Variants in COL27A1 observed in about 807,000 individuals in gnomAD.
COL27A1 encodes collagen alpha-1(XXVII) chain.
A neutral mutation model predicts 251.3 loss-of-function variants in COL27A1; 106 were observed. The observed-to-expected ratio is 0.42, with a 90% confidence interval of 0.36 to 0.50. The LOEUF is 0.50. COL27A1 is among the 20% of genes least tolerant of loss of function. The probability of loss-of-function intolerance (pLI) is 0.00; values close to 1 mark genes in which losing one functional copy is unlikely to be tolerated. For synonymous variants in COL27A1, 1,000 were observed against 986.3 expected (o/e 1.01, Z -0.26); for missense variants, 2,325 against 2,522.8 (o/e 0.92, Z 1.68).
intron 24 of COL27A1, among the ~76,000 whole-genome samples, chr9:114,247,366 G>A (rs1833213255): frequency 6.6e-6 from 1 of 152,072 alleles, no homozygotes; most frequent in African/African-American, 2.4e-5. Context: ...TCATATTCGA[G>A]GCAAATGCTA....
intron 2 of COL27A1, among the ~76,000 whole-genome samples, chr9:114,167,005 A>G (rs1019033643): frequency 7.9e-5 from 12 of 152,040 alleles, no homozygotes; most frequent in African/African-American, 2.9e-4. Context: ...TGCTAGAGAC[A>G]CCTCGGGAGT....
At position 114,256,536 on chromosome 9, in the gene COL27A1, GGCCCTGGGACCTGCCTAGGGTC is replaced by G. The variant is rs555300994; in HGVS notation, c.3142-1982_3142-1961del. ...TCCCCATTATTGGGGGTGGGAGTGAGGCCCTGGGACCTGCCTAGGGTCGCCCTGGGACCTGCCTAGGGTCACC... is the reference window on the plus strand; with the variant it reads ...TCCCCATTATTGGGGGTGGGAGTGAGGCCCTGGGACCTGCCTAGGGTCACC... On this transcript the variant is annotated intron_variant, in intron 27 of 60. Coordinates refer to ENST00000356083, the MANE Select transcript of COL27A1 (RefSeq NM_032888.4). Among the ~76,000 whole-genome samples, 40 of 152,202 alleles carry G rather than the reference GGCCCTGGGACCTGCCTAGGGTC, an allele frequency of 2.6e-4. No homozygotes were observed. In the South Asian group the frequency reaches 4.8e-3, roughly 18 times the overall value.
intron 19 of COL27A1, among the ~76,000 whole-genome samples, chr9:114,238,072 T>A (rs1197471423): frequency 6.6e-6 from 1 of 152,148 alleles, no homozygotes; most frequent in Non-Finnish European, 1.5e-5. Context: ...GCCCTGGAAC[T>A]TTCCTAGCCA....
At position 114,264,325 on chromosome 9, in the gene COL27A1, C is replaced by T. The variant is rs748149745; in HGVS notation, c.3196-30C>T. 66 of 1,551,910 alleles carry T rather than the reference C, an allele frequency of 4.3e-5. 2 individuals are homozygous for T. The South Asian group carries it at 6.2e-4, about 15-fold the overall frequency. ...CCGCCCGAGGGAGACCCCTGCTGTC[C>T]GGTGTGCTAGTCCCTTTTTCCTATT... is the stretch of plus-strand genomic sequence containing the variant. On this transcript the variant is annotated intron_variant, in intron 28 of 60. Coordinates refer to ENST00000356083, the MANE Select transcript of COL27A1 (RefSeq NM_032888.4).
At chr9:114,279,061 G>A (rs566678773) in intron 37 of COL27A1, among the ~76,000 whole-genome samples, 2 of 152,254 alleles carry the variant, frequency 1.3e-5, no homozygotes, top group Admixed American at 6.5e-5. Context: ...CCCCTGTACC[G>A]GATGCTTCAG....
intron 12 of COL27A1, among the ~76,000 whole-genome samples, chr9:114,216,223 G>A (rs971173148): frequency 6.6e-6 from 1 of 152,216 alleles, no homozygotes; most frequent in African/African-American, 2.4e-5. Context: ...CTCCAGAGGG[G>A]CCCGACCTGG....
At chr9:114,310,336 C>A (rs1300265771) in intron 60 of COL27A1, among the ~76,000 whole-genome samples, 1 of 152,068 alleles carries the variant, frequency 6.6e-6, no homozygotes, top group East Asian at 1.9e-4. Context: ...AATAAGAATG[C>A]ACACAAAGGT....
chr9:114,206,424 A>C (rs961301906), intron 10 of COL27A1, 128 bp downstream of exon 10: 4 of 910,054 alleles, frequency 4.4e-6, no homozygotes, highest in Non-Finnish European at 7.1e-6. Context: ...GTGCTCCCGG[A>C]CAACAGAGGG....
chr9:114,190,935 C>A (rs1165932289), intron 5 of COL27A1, among the ~76,000 whole-genome samples: 1 of 152,184 alleles, frequency 6.6e-6, no homozygotes, highest in Non-Finnish European at 1.5e-5. Context: ...ACTTATATTT[C>A]TTATTGGAAG....
chr9:114,274,785 G>A (rs1372767867), intron 36 of COL27A1, among the ~76,000 whole-genome samples: 1 of 151,914 alleles, frequency 6.6e-6, no homozygotes, highest in Non-Finnish European at 1.5e-5. Flanking sequence ...CCCTGAGCCT[G>A]GTACATACCA....
intron 21 of COL27A1, among the ~76,000 whole-genome samples, chr9:114,241,079 G>A (rs1316725515): frequency 6.6e-6 from 1 of 152,258 alleles, no homozygotes; most frequent in African/African-American, 2.4e-5. Flanking sequence ...GTTAGTGGCA[G>A]AGCATCGATT....
chr9:114,232,310 G>T (rs1272491854), intron 16 of COL27A1, among the ~76,000 whole-genome samples: 1 of 152,160 alleles, frequency 6.6e-6, no homozygotes, highest in African/African-American at 2.4e-5. Context: ...CCCCTGACCC[G>T]CTTCTCCTCC....
chr9:114,248,871 T>G (rs886615804), intron 24 of COL27A1, among the ~76,000 whole-genome samples: 20 of 152,230 alleles, frequency 1.3e-4, no homozygotes, highest in Non-Finnish European at 2.6e-4. Flanking sequence ...ACAGAGCAGT[T>G]TTTATTCCCT....
chr9:114,235,679 C>A lies in COL27A1; in HGVS notation c.2619+27C>A, dbSNP rs749511653. Reference sequence around the variant, plus strand: ...TAATTGCATGAGATTTTCCCCTCCCCCTGCCCCTGCCCCTGCCCTGCTGTT... The same window carrying A: ...TAATTGCATGAGATTTTCCCCTCCCACTGCCCCTGCCCCTGCCCTGCTGTT... On this transcript the variant is annotated intron_variant, in intron 17 of 60. Coordinates refer to ENST00000356083, the MANE Select transcript of COL27A1 (RefSeq NM_032888.4). 14 of 1,513,916 alleles carry A rather than the reference C, an allele frequency of 9.2e-6. No individual in the cohort carries two copies. In the Admixed American group the frequency reaches 2.3e-4, roughly 25 times the overall value. 93.8% of individuals were successfully genotyped at this position (1,513,916 alleles called of 1,614,324 possible).
chr9:114,270,289 A>T (rs1251722268), intron 35 of COL27A1, among the ~76,000 whole-genome samples: 2 of 152,246 alleles, frequency 1.3e-5, no homozygotes, highest in Admixed American at 1.3e-4. Flanking sequence ...CTTGCGGTCA[A>T]ACAGCCAGTG....
intron 21 of COL27A1, 50 bp downstream of exon 21, chr9:114,240,537 C>G (rs1490299392): frequency 6.5e-7 from 1 of 1,547,642 alleles, no homozygotes; most frequent in Non-Finnish European, 8.8e-7. Flanking sequence ...GATTGCAGCC[C>G]CCAGCCTGCC....
chr9:114,201,941 G>T (rs1166008030), intron 7 of COL27A1, among the ~76,000 whole-genome samples: 1 of 152,144 alleles, frequency 6.6e-6, no homozygotes, highest in Non-Finnish European at 1.5e-5. Flanking sequence ...GCCAGGCGCT[G>T]CCCCTAGAAA....
At chr9:114,291,178 C>A (rs1416745188) in intron 48 of COL27A1, among the ~76,000 whole-genome samples, 1 of 152,186 alleles carries the variant, frequency 6.6e-6, no homozygotes, top group East Asian at 1.9e-4. Context: ...TCCACGGGCG[C>A]CCTCTCGTGG....
At chr9:114,166,368 A>AATCCATCCATCCGTCCATCC (rs1554786335) in intron 2 of COL27A1, among the ~76,000 whole-genome samples, 3,609 of 37,098 alleles carry the variant, frequency 0.097, 124 homozygotes, top group East Asian at 0.3. Flanking sequence ...TCCATCCATC[A>AATCCATCCATCCGTCCATCC]ATCCATCCAT....
Sources: allele counts gnomAD v4.1 joint callset (sites outside exome capture counted in the v4.1 genomes callset), GRCh38; gene constraint gnomAD v4.1.1; transcripts MANE v1.5; gene names NCBI Gene and HGNC (gene_info 2026-07-23, HGNC 2026-07-21).